CHN1: variants seen among roughly 807,000 people sequenced by gnomAD.
The protein encoded by CHN1 is N-chimaerin.
Under a neutral mutation model 59.5 loss-of-function variants are expected in CHN1, and 37 were observed. The observed-to-expected ratio is 0.62, with a 90% CI of 0.48 to 0.82. CHN1 has a LOEUF of 0.82. CHN1 is among the 40% of genes least tolerant of loss of function. The pLI is 0.00. For missense variants in CHN1, 469 were observed against 571.0 expected, an observed-to-expected ratio of 0.82 and a Z score of 1.82; for synonymous variants, 206 against 200.4, an observed-to-expected ratio of 1.03 and a Z score of -0.24.
intron 1 of CHN1, among the ~76,000 whole-genome samples, chr2:174,980,789 T>C (rs945160742): frequency 8.5e-5 from 13 of 152,176 alleles, no homozygotes; most frequent in African/African-American, 1.4e-4. Context: ...TTCTGTATGT[T>C]AGAAATACCT....
At chr2:174,992,339 C>T (rs903438048) in intron 1 of CHN1, among the ~76,000 whole-genome samples, 2 of 152,132 alleles carry the variant, frequency 1.3e-5, no homozygotes, top group Non-Finnish European at 2.9e-5. Flanking sequence ...ATCATTCACA[C>T]GGTGTTCACT....
intron 3 of CHN1, among the ~76,000 whole-genome samples, chr2:174,926,698 T>A (rs551720593): frequency 1.3e-5 from 2 of 152,080 alleles, no homozygotes; most frequent in Non-Finnish European, 2.9e-5. Flanking sequence ...GTAAATTGTG[T>A]ATTTGGTGAA....
chr2:174,819,657 T>TTGA (rs1685411314), intron 8 of CHN1, among the ~76,000 whole-genome samples: 2 of 151,946 alleles, frequency 1.3e-5, no homozygotes, highest in South Asian at 4.2e-4. Context: ...TCCTTTGAAC[T>TTGA]TGATTTTTTT....
chr2:174,981,139 G>C (rs183820291), intron 1 of CHN1, among the ~76,000 whole-genome samples: 1 of 152,234 alleles, frequency 6.6e-6, no homozygotes, highest in East Asian at 1.9e-4. Flanking sequence ...TATTGAGAAA[G>C]CTAACCTGGA....
At chr2:174,959,677 G>T (rs941133906) in intron 1 of CHN1, among the ~76,000 whole-genome samples, 3 of 152,160 alleles carry the variant, frequency 2.0e-5, no homozygotes, top group African/African-American at 4.8e-5. Flanking sequence ...AAATGGCCTT[G>T]AAGAAGGAAT....
chr2:174,946,191 G>T (rs1689830435), intron 2 of CHN1, among the ~76,000 whole-genome samples: 1 of 152,040 alleles, frequency 6.6e-6, no homozygotes, highest in Non-Finnish European at 1.5e-5. Flanking sequence ...ATTACTTAAG[G>T]ATATAAATAA....
chr2:174,927,469 T>C (rs986102865), intron 3 of CHN1, among the ~76,000 whole-genome samples: 1 of 152,226 alleles, frequency 6.6e-6, no homozygotes, highest in African/African-American at 2.4e-5. Context: ...GCTTTTTTAA[T>C]GTAGAAGTAT....
intron 7 of CHN1, among the ~76,000 whole-genome samples, chr2:174,829,521 A>C (rs1269884612): frequency 6.6e-6 from 1 of 152,252 alleles, no homozygotes; most frequent in African/African-American, 2.4e-5. Context: ...AGAAACTGAA[A>C]AAGAAATCCA....
intron 2 of CHN1, among the ~76,000 whole-genome samples, chr2:174,946,848 G>C (rs1343182815): frequency 7.2e-6 from 1 of 138,834 alleles, no homozygotes; most frequent in Non-Finnish European, 1.5e-5. Context: ...AGGATCATTT[G>C]AGCTCAAGAG....
rs1689780127 is a variant in CHN1 at position 174,944,899 on chromosome 2, A to G, written c.103T>C (p.Cys35Arg). The stretch of plus-strand genomic sequence containing the variant: ...TTCATTACACCCACCTCGCAAGTAC[A>G]GGTAATTCTTCGAGGATGAGGGGCT... Reference protein sequence around the residue: ...QEAPHPRRITCTCEVENRPKY... With the variant: ...QEAPHPRRITRTCEVENRPKY... The change falls in exon 3 of 13, where the codon TGT becomes CGT. Residue 35 changes from cysteine (C) to arginine (R), a missense_variant. Cys to Arg is a radical substitution (Grantham distance 180). Around this residue, in one of 5 missense-constraint regions of CHN1, gnomAD observed 152 missense variants for 166.1 expected, o/e 0.92. Coordinates refer to ENST00000409900, the MANE Select transcript of CHN1 (RefSeq NM_001822.7). The G allele has an allele frequency of 5.1e-6, 8 of 1,582,758 alleles. No homozygotes were observed. Among genetic ancestry groups the G allele is most frequent in the Non-Finnish European group, 6.9e-6 (8 of 1,162,808 alleles).
At chr2:174,807,908 G>C (rs1017282080) in intron 11 of CHN1, among the ~76,000 whole-genome samples, 1 of 152,132 alleles carries the variant, frequency 6.6e-6, no homozygotes, top group Non-Finnish European at 1.5e-5. Context: ...GTTTTAAAGA[G>C]AGAAAAGCAA....
chr2:174,808,769 T>C, intron 11 of CHN1, 136 bp downstream of exon 11: 1 of 891,532 alleles, frequency 1.1e-6, no homozygotes. Flanking sequence ...TGCAAAATTC[T>C]TGTAAGTACA....
At chr2:175,001,398 C>G (rs1261533232) in intron 1 of CHN1, among the ~76,000 whole-genome samples, 2 of 152,180 alleles carry the variant, frequency 1.3e-5, no homozygotes, top group Non-Finnish European at 2.9e-5. Context: ...AACTACATCA[C>G]AAAGAATATG....
chr2:174,992,465 G>A (rs867522235), intron 1 of CHN1, among the ~76,000 whole-genome samples: 15 of 152,252 alleles, frequency 9.9e-5, no homozygotes, highest in South Asian at 4.1e-4. Context: ...AAGGAATAGC[G>A]GCAGAAAACA....
chr2:174,963,264 T>C (rs1008878372), intron 1 of CHN1, among the ~76,000 whole-genome samples: 8 of 152,154 alleles, frequency 5.3e-5, no homozygotes, highest in Non-Finnish European at 8.8e-5. Context: ...GTAAGAGTAA[T>C]AGAAGTTTTA....
At chr2:174,945,783 C>T (rs1016440109) in intron 2 of CHN1, among the ~76,000 whole-genome samples, 1 of 151,848 alleles carries the variant, frequency 6.6e-6, no homozygotes, top group African/African-American at 2.4e-5. Flanking sequence ...TGTCAGATAA[C>T]GGATGACTCA....
intron 6 of CHN1, among the ~76,000 whole-genome samples, chr2:174,867,378 C>CAAAA (rs371650645): frequency 1.7e-5 from 2 of 117,042 alleles, no homozygotes; most frequent in African/African-American, 6.3e-5. Flanking sequence ...GACTCTGTCT[C>CAAAA]AAAAAAAAAA....
chr2:174,887,821 C>T (rs1025210214), intron 5 of CHN1, among the ~76,000 whole-genome samples: 6 of 152,156 alleles, frequency 3.9e-5, no homozygotes, highest in African/African-American at 1.4e-4. Flanking sequence ...ATGCAAAGAA[C>T]TGTATCACAG....
At chr2:174,982,404 AG>A (rs1382701164) in intron 1 of CHN1, among the ~76,000 whole-genome samples, 1 of 152,220 alleles carries the variant, frequency 6.6e-6, no homozygotes, top group African/African-American at 2.4e-5. Context: ...ACTAGTTTAC[AG>A]TCCCACCAAC....
Sources: gnomAD v4.1 joint callset for allele counts (sites outside exome capture counted in the v4.1 genomes callset) on GRCh38, gnomAD v4.1.1 for gene constraint, gnomAD v4.1.1 regional missense constraint, MANE v1.5 for transcripts, NCBI Gene and HGNC (gene_info 2026-07-23, HGNC 2026-07-21) for gene names.